The following GALNTL6 variants were observed in gnomAD, a reference collection of about 807,000 sequenced individuals.
GALNTL6 encodes the protein polypeptide N-acetylgalactosaminyltransferase-like 6.
Under a neutral mutation model 73.7 loss-of-function variants are expected in GALNTL6, and 46 were observed. The ratio of observed to expected loss-of-function variants is 0.62; its 90% CI spans 0.49 to 0.80. The LOEUF is 0.80. Among genes scored for constraint, GALNTL6 ranks in the 30% least tolerant of loss-of-function variants. The pLI is 0.00. For missense variants in GALNTL6, 604 were observed against 755.0 expected, an observed-to-expected ratio of 0.80 and a Z score of 2.34; for synonymous variants, 259 against 263.7, an observed-to-expected ratio of 0.98 and a Z score of 0.17.
chr4:171,966,570 G>A (rs1446571515), intron 2 of GALNTL6, among the ~76,000 whole-genome samples: 1 of 152,198 alleles, frequency 6.6e-6, no homozygotes, highest in Non-Finnish European at 1.5e-5. Context: ...ATAGTCTGCT[G>A]AAGTCTGGCT....
intron 2 of GALNTL6, among the ~76,000 whole-genome samples, chr4:171,968,801 G>T (rs551166058): frequency 1.1e-4 from 16 of 144,726 alleles, no homozygotes; most frequent in Non-Finnish European, 2.3e-4. Flanking sequence ...TTCCACCTTC[G>T]CAATCGCCCT....
At chr4:172,101,051 G>A (rs566248475) in intron 2 of GALNTL6, among the ~76,000 whole-genome samples, 2 of 152,130 alleles carry the variant, frequency 1.3e-5, no homozygotes, top group Non-Finnish European at 2.9e-5. Flanking sequence ...GGAAAACGAG[G>A]AGTTGGTTTT....
chr4:172,328,195 T>G (rs1335856984), intron 4 of GALNTL6, among the ~76,000 whole-genome samples: 1 of 152,210 alleles, frequency 6.6e-6, no homozygotes, highest in Non-Finnish European at 1.5e-5. Context: ...TTTTTTTCTT[T>G]AAGAATGTTG....
chr4:172,021,179 T>A (rs1741388586), intron 2 of GALNTL6, among the ~76,000 whole-genome samples: 1 of 151,898 alleles, frequency 6.6e-6, no homozygotes, highest in African/African-American at 2.4e-5. Flanking sequence ...TAGTGTCATA[T>A]CGAATGGAGA....
chr4:172,861,665 C>A (rs753139047), intron 7 of GALNTL6, among the ~76,000 whole-genome samples: 10 of 152,058 alleles, frequency 6.6e-5, no homozygotes, highest in Non-Finnish European at 1.3e-4. Flanking sequence ...TGGGAGGGAC[C>A]CAGTGGGAGG....
intron 2 of GALNTL6, among the ~76,000 whole-genome samples, chr4:171,963,069 T>C (rs772826643): frequency 0.029 from 1,021 of 35,352 alleles, 6 homozygotes; most frequent in Non-Finnish European, 0.079. Context: ...CCCAACCTAC[T>C]TTTTTTTTTT....
intron 2 of GALNTL6, among the ~76,000 whole-genome samples, chr4:172,152,239 A>G (rs1327714060): frequency 6.6e-6 from 1 of 152,114 alleles, no homozygotes; most frequent in Non-Finnish European, 1.5e-5. Flanking sequence ...CAGCCTCCCA[A>G]AGTGCTGGGA....
At chr4:172,543,943 C>G (rs543368469) in intron 5 of GALNTL6, among the ~76,000 whole-genome samples, 1 of 152,254 alleles carries the variant, frequency 6.6e-6, no homozygotes, top group South Asian at 2.1e-4. Context: ...CTCACAACAA[C>G]CCTATGAAAT....
chr4:172,842,301 G>T (rs1182739207), intron 7 of GALNTL6, among the ~76,000 whole-genome samples: 2 of 152,146 alleles, frequency 1.3e-5, no homozygotes, highest in African/African-American at 4.8e-5. Flanking sequence ...CATCAGAAAT[G>T]TAGAAGACAG....
At chr4:171,877,961 G>A (rs760860537) in intron 2 of GALNTL6, among the ~76,000 whole-genome samples, 6 of 152,150 alleles carry the variant, frequency 3.9e-5, no homozygotes, top group Admixed American at 6.6e-5. Flanking sequence ...CAAATCCATT[G>A]CCTCTATCAT....
intron 5 of GALNTL6, among the ~76,000 whole-genome samples, chr4:172,716,359 C>A (rs1447682750): frequency 6.6e-6 from 1 of 152,046 alleles, no homozygotes; most frequent in Non-Finnish European, 1.5e-5. Context: ...ATGAGCTTAC[C>A]GAAATGTAAA....
intron 3 of GALNTL6, among the ~76,000 whole-genome samples, chr4:172,300,025 G>A (rs1267400564): frequency 6.6e-6 from 1 of 152,154 alleles, no homozygotes; most frequent in Non-Finnish European, 1.5e-5. Context: ...AGGTCTCTAA[G>A]GACTTGCTTT....
In GALNTL6 at chr4:172,374,588, C is replaced by G. The variant is rs934011603; in HGVS notation, c.553+25899C>G. Among the ~76,000 whole-genome samples the G allele has an allele frequency of 7.2e-5, 11 of 152,268 alleles. No homozygotes were observed. In the East Asian group the frequency reaches 1.4e-3, roughly 19 times the overall value. On this transcript the variant is annotated intron_variant, in intron 5 of 12. Coordinates refer to ENST00000506823, the MANE Select transcript of GALNTL6 (RefSeq NM_001034845.3). Reference sequence around the variant, plus strand: ...GTAATTCATGGGCTTTTTCCTAATTCTCCTTAGTCCTTCTAGAACACAGGT... The same window carrying G: ...GTAATTCATGGGCTTTTTCCTAATTGTCCTTAGTCCTTCTAGAACACAGGT...
intron 5 of GALNTL6, among the ~76,000 whole-genome samples, chr4:172,566,234 A>T (rs1736550258): frequency 6.6e-6 from 1 of 152,198 alleles, no homozygotes; most frequent in Admixed American, 6.5e-5. Flanking sequence ...ACAGTATCAG[A>T]ATACACATTC....
intron 2 of GALNTL6, among the ~76,000 whole-genome samples, chr4:172,046,455 C>T (rs1336072067): frequency 6.6e-6 from 1 of 152,032 alleles, no homozygotes; most frequent in Non-Finnish European, 1.5e-5. Flanking sequence ...ATATAGTTTC[C>T]CGTGAGATCT....
intron 5 of GALNTL6, among the ~76,000 whole-genome samples, chr4:172,793,314 CAG>C (rs1341266639): frequency 6.6e-6 from 1 of 152,116 alleles, no homozygotes; most frequent in Admixed American, 6.5e-5. Context: ...CACAAGTTTT[CAG>C]AGTCAGTCAG....
At chr4:172,911,805 C>T (rs998426954) in intron 8 of GALNTL6, among the ~76,000 whole-genome samples, 6 of 152,198 alleles carry the variant, frequency 3.9e-5, no homozygotes, top group Non-Finnish European at 7.3e-5. Flanking sequence ...TGAATTCCTT[C>T]CAGTTGTTCC....
At chr4:171,908,384 A>C (rs1056136823) in intron 2 of GALNTL6, among the ~76,000 whole-genome samples, 196 of 152,222 alleles carry the variant, frequency 1.3e-3, no homozygotes, top group Middle Eastern at 3.4e-3. Context: ...CAGCCAAAAA[A>C]CACACGAAAA....
intron 2 of GALNTL6, among the ~76,000 whole-genome samples, chr4:172,002,436 T>G (rs1009952063): frequency 2.0e-5 from 3 of 152,152 alleles, no homozygotes; most frequent in African/African-American, 7.2e-5. Context: ...CCTGCCTTGA[T>G]CTTGAACTTG....
Sources: allele counts gnomAD v4.1 joint callset (sites outside exome capture counted in the v4.1 genomes callset), GRCh38; gene constraint gnomAD v4.1.1; transcripts MANE v1.5; gene names NCBI Gene and HGNC (gene_info 2026-07-23, HGNC 2026-07-21).